LDLRAD4: variants seen among roughly 807,000 people sequenced by gnomAD.
LDLRAD4 encodes low-density lipoprotein receptor class A domain-containing protein 4.
A neutral mutation model predicts 17.0 loss-of-function variants in LDLRAD4; 5 were observed. That is an observed-to-expected ratio of 0.29 (90% CI 0.15 to 0.62). The LOEUF (loss-of-function observed/expected upper bound fraction) is 0.62, where lower values mean the gene tolerates loss of function less well. Ranked by LOEUF, LDLRAD4 falls within the 20% of genes least tolerant of loss-of-function variation. The probability of loss-of-function intolerance (pLI) is 0.84; values close to 1 mark genes in which losing one functional copy is unlikely to be tolerated. For synonymous variants in LDLRAD4, 168 were observed against 171.8 expected (o/e 0.98, Z 0.17); for missense variants, 340 against 424.7 (o/e 0.80, Z 1.75).
chr18:13,470,045 G>C (rs536508152), intron 3 of LDLRAD4, among the ~76,000 whole-genome samples: 1 of 152,214 alleles, frequency 6.6e-6, no homozygotes, highest in Non-Finnish European at 1.5e-5. Context: ...ACAACATTGA[G>C]TTTTATTTCT....
intron 3 of LDLRAD4, among the ~76,000 whole-genome samples, chr18:13,509,428 T>C (rs2093744034): frequency 6.6e-6 from 1 of 152,164 alleles, no homozygotes; most frequent in African/African-American, 2.4e-5. Flanking sequence ...AAGGTAGAAA[T>C]AGCAAGAGAA....
Position 13,251,053 on chromosome 18 carries a change from G to T in LDLRAD4, c.-466-27052G>T, listed in dbSNP as rs956744992. On this transcript the variant is annotated intron_variant, in intron 1 of 5. Transcript: ENST00000399848. ...ATGATTGAATGGGATTCATCCCAGG[G>T]ATGCAAAGATGGTTCAGTATACATA... 2.0e-5 allele frequency among the ~76,000 whole-genome samples: 3 copies of T among 152,178 alleles called. 1 individual carries two copies. The highest frequency in any genetic ancestry group is 7.2e-5 in the African/African-American group (3 of 41,436).
intron 3 of LDLRAD4, among the ~76,000 whole-genome samples, chr18:13,497,301 G>A (rs140276400): frequency 9.2e-5 from 14 of 152,018 alleles, no homozygotes; most frequent in East Asian, 1.9e-4. Flanking sequence ...CTCAGCCTCC[G>A]GAATAGCTGG....
chr18:13,475,067 T>G (rs1568216296), intron 3 of LDLRAD4, among the ~76,000 whole-genome samples: 1 of 152,174 alleles, frequency 6.6e-6, no homozygotes, highest in African/African-American at 2.4e-5. Context: ...AAAGAAGCCT[T>G]AGTCACATCC....
At chr18:13,247,061 T>C (rs981584016) in intron 1 of LDLRAD4, among the ~76,000 whole-genome samples, 3 of 152,148 alleles carry the variant, frequency 2.0e-5, no homozygotes, top group Non-Finnish European at 4.4e-5. Context: ...CTGTCATGAT[T>C]AGAAACATAT....
exon 6 of LDLRAD4, chr18:13,651,081 A>G (rs948287150): frequency 1.3e-5 from 2 of 152,238 alleles, no homozygotes; most frequent in Admixed American, 6.5e-5. Context: ...AGTCAGAAAA[A>G]TGTTGTTTTT....
At chr18:13,445,295 T>C (rs975452166) in intron 3 of LDLRAD4, among the ~76,000 whole-genome samples, 3 of 151,972 alleles carry the variant, frequency 2.0e-5, no homozygotes, top group African/African-American at 7.3e-5. Context: ...TGTGGGACTG[T>C]GTGTGGTATT....
intron 3 of LDLRAD4, among the ~76,000 whole-genome samples, chr18:13,477,141 G>C (rs2092960453): frequency 1.3e-5 from 2 of 152,172 alleles, no homozygotes; most frequent in Non-Finnish European, 2.9e-5. Context: ...ATACCAGGAG[G>C]ATTGGGCCCT....
intron 2 of LDLRAD4, among the ~76,000 whole-genome samples, chr18:13,389,858 A>G (rs1315629046): frequency 6.6e-6 from 1 of 152,184 alleles, no homozygotes; most frequent in African/African-American, 2.4e-5. Flanking sequence ...ATTCTTGCAG[A>G]TAGGACAGTA....
At chr18:13,221,797 G>C (rs2041465713) in intron 1 of LDLRAD4, among the ~76,000 whole-genome samples, 1 of 152,142 alleles carries the variant, frequency 6.6e-6, no homozygotes, top group Non-Finnish European at 1.5e-5. Flanking sequence ...TTTTTGTGAA[G>C]ACTTTTCTTT....
At chr18:13,287,922 T>G (rs1438738197) in intron 1 of LDLRAD4, among the ~76,000 whole-genome samples, 1 of 152,238 alleles carries the variant, frequency 6.6e-6, no homozygotes, top group Admixed American at 6.5e-5. Context: ...AAAATGTACC[T>G]GCATAACTAG....
At position 13,621,163 on chromosome 18, in the gene LDLRAD4, G is replaced by A. The variant is rs376434285; in HGVS notation, c.228G>A (p.Thr76=). Residue 76 remains threonine, a synonymous_variant, in exon 4 of 6, where the codon ACG becomes ACA. Transcript: ENST00000359446. The surrounding 1 kb of genome is among the most constrained non-coding windows in gnomAD (Gnocchi z 5.5). ...TCATCATCATCGTCGTGGTGGTCAC[G>A]GTGATGGTGGTGGTCATCGTCTGCC... is the stretch of plus-strand genomic sequence containing the variant. 6 of 1,614,190 alleles carry A rather than the reference G, an allele frequency of 3.7e-6. No individual in the cohort carries two copies. The highest frequency in any genetic ancestry group is 1.7e-5 in the Admixed American group (1 of 60,038).
intron 3 of LDLRAD4, among the ~76,000 whole-genome samples, chr18:13,553,231 G>A (rs1259984675): frequency 1.3e-5 from 2 of 152,124 alleles, no homozygotes; most frequent in Non-Finnish European, 2.9e-5. Context: ...ACAAATAAAG[G>A]TCTCCTGTTT....
At chr18:13,504,514 G>C (rs964614354) in intron 3 of LDLRAD4, among the ~76,000 whole-genome samples, 3 of 152,196 alleles carry the variant, frequency 2.0e-5, no homozygotes, top group Non-Finnish European at 4.4e-5. Context: ...TGCAACCTCT[G>C]CGTCGGGGGT....
intron 3 of LDLRAD4, among the ~76,000 whole-genome samples, chr18:13,588,554 T>A (rs1369942163): frequency 2.6e-5 from 4 of 152,166 alleles, no homozygotes; most frequent in Non-Finnish European, 5.9e-5. Context: ...TTCAGTTTCC[T>A]CCCTTGCCCT....
intron 1 of LDLRAD4, among the ~76,000 whole-genome samples, chr18:13,238,796 A>G (rs1450676489): frequency 6.6e-6 from 1 of 152,136 alleles, no homozygotes; most frequent in African/African-American, 2.4e-5. Flanking sequence ...TTATAATGTC[A>G]CGTTCCCAGG....
intron 1 of LDLRAD4, among the ~76,000 whole-genome samples, chr18:13,282,450 C>A (rs1040082645): frequency 1.3e-5 from 2 of 152,210 alleles, no homozygotes; most frequent in African/African-American, 2.4e-5. Flanking sequence ...GTAAATACAG[C>A]TGTTACAAAT....
At chr18:13,523,512 A>G (rs780947130) in intron 3 of LDLRAD4, among the ~76,000 whole-genome samples, 1 of 152,162 alleles carries the variant, frequency 6.6e-6, no homozygotes, top group Non-Finnish European at 1.5e-5. Flanking sequence ...GCCCGCCTTG[A>G]TCCCAGCCTC....
At chr18:13,436,731 G>A (rs1012727379) in intron 2 of LDLRAD4, among the ~76,000 whole-genome samples, 5 of 152,300 alleles carry the variant, frequency 3.3e-5, no homozygotes, top group South Asian at 4.1e-4. Context: ...GAAAGAGAGC[G>A]TTTGGCTCCA....
Sources: gnomAD v4.1 joint callset for allele counts (sites outside exome capture counted in the v4.1 genomes callset) on GRCh38, gnomAD v4.1.1 for gene constraint, Gnocchi (gnomAD v3.1) non-coding constraint, MANE v1.5 for transcripts, NCBI Gene and HGNC (gene_info 2026-07-23, HGNC 2026-07-21) for gene names.